CCDC171: variants seen among roughly 807,000 people sequenced by gnomAD.
The protein encoded by CCDC171 is coiled-coil domain-containing protein 171.
A neutral mutation model predicts 168.2 loss-of-function variants in CCDC171; 177 were observed. The observed-to-expected ratio is 1.05, with a 90% confidence interval of 0.93 to 1.19. The LOEUF (loss-of-function observed/expected upper bound fraction) is 1.19. Ranked by LOEUF, CCDC171 falls within the 50% of genes most tolerant of loss-of-function variation. The pLI is 0.00. For missense variants in CCDC171, 1,991 were observed against 1,539.0 expected (o/e 1.29, Z -4.91); for synonymous variants, 687 against 540.8 (o/e 1.27, Z -3.75).
At chr9:15,693,725 A>G (rs1333319553) in intron 10 of CCDC171, among the ~76,000 whole-genome samples, 1 of 152,086 alleles carries the variant, frequency 6.6e-6, no homozygotes, top group East Asian at 1.9e-4. Context: ...TATAATATCT[A>G]TTCTTCCATT....
At chr9:15,562,440 A>T (rs141817269) in intron 1 of CCDC171, among the ~76,000 whole-genome samples, 1 of 152,296 alleles carries the variant, frequency 6.6e-6, no homozygotes, top group East Asian at 1.9e-4. Flanking sequence ...AGTAGATGAA[A>T]CTTGCTTCTG....
chr9:15,993,048 C>T (rs965808937), intron 3 of CCDC171, among the ~76,000 whole-genome samples: 1 of 152,140 alleles, frequency 6.6e-6, no homozygotes, highest in Non-Finnish European at 1.5e-5. Context: ...CAGTGCTATC[C>T]CCATCAAGCT....
Position 15,981,529 on chromosome 9 carries a change from A to G in CCDC171, n.369-39060A>G, listed in dbSNP as rs967659111. Among the ~76,000 whole-genome samples the G allele has an allele frequency of 1.3e-5, 2 of 152,218 alleles. 1 individual carries two copies. The highest frequency in any genetic ancestry group is 1.3e-4 in the Admixed American group (2 of 15,280). On this transcript the variant is annotated intron_variant and non_coding_transcript_variant, in intron 3 of 9. Coordinates refer to the CCDC171 transcript ENST00000486641. ...GTGAAAGTGTCTAATTAATATAAGCAGTGCTGATTTATGTATGATGAGGAT... is the reference window on the plus strand; with the variant it reads ...GTGAAAGTGTCTAATTAATATAAGCGGTGCTGATTTATGTATGATGAGGAT...
chr9:15,629,633 T>G (rs554998271), intron 7 of CCDC171, among the ~76,000 whole-genome samples: 2 of 152,248 alleles, frequency 1.3e-5, no homozygotes, highest in African/African-American at 4.8e-5. Flanking sequence ...ACTTCCCCAA[T>G]CTAGCAAGGC....
At chr9:15,587,009 T>A (rs1188022710) in intron 4 of CCDC171, among the ~76,000 whole-genome samples, 1 of 152,102 alleles carries the variant, frequency 6.6e-6, no homozygotes, top group East Asian at 1.9e-4. Flanking sequence ...GACTAGGTCT[T>A]GCCATGTTGA....
At chr9:15,841,676 T>C (rs941589045) in intron 21 of CCDC171, among the ~76,000 whole-genome samples, 3 of 152,008 alleles carry the variant, frequency 2.0e-5, no homozygotes, top group African/African-American at 7.2e-5. Context: ...TATTCAGATA[T>C]AAACTGTACT....
chr9:15,837,534 C>G (rs2060503711), intron 21 of CCDC171, among the ~76,000 whole-genome samples: 1 of 152,160 alleles, frequency 6.6e-6, no homozygotes, highest in African/African-American at 2.4e-5. Flanking sequence ...TATTTTTCAA[C>G]TATTACTGCC....
At chr9:15,979,612 A>C (rs1405610952) in intron 3 of CCDC171, among the ~76,000 whole-genome samples, 1 of 151,820 alleles carries the variant, frequency 6.6e-6, no homozygotes, top group Non-Finnish European at 1.5e-5. Flanking sequence ...CACACGTTAA[A>C]CCAATCTTGC....
intron 6 of CCDC171, among the ~76,000 whole-genome samples, chr9:15,620,685 C>T (rs1334156762): frequency 2.0e-5 from 3 of 152,200 alleles, no homozygotes; most frequent in Non-Finnish European, 4.4e-5. Flanking sequence ...CATAGGGTTT[C>T]AGTTTTGAAA....
At chr9:15,678,442 G>A (rs565596841) in intron 9 of CCDC171, among the ~76,000 whole-genome samples, 46 of 152,226 alleles carry the variant, frequency 3.0e-4, no homozygotes, top group Admixed American at 9.2e-4. Flanking sequence ...GATAGTCTCT[G>A]AGCTAATTGA....
chr9:15,846,700 A>G lies in CCDC171; in HGVS notation c.3268-2A>G, dbSNP rs2060909658. On this transcript the variant is annotated splice_acceptor_variant, in intron 21 of 25. Transcript: ENST00000380701. LOFTEE classifies it high-confidence loss of function. ...GTAACTCTGTTTTCTGTCTGCTTGC[A>G]GAGTCTCTCCGAGGCAAAGATGGAG... The G allele has an allele frequency of 6.2e-7, 1 of 1,612,490 alleles. No homozygotes were observed. Among genetic ancestry groups the G allele is most frequent in the Non-Finnish European group, 8.5e-7 (1 of 1,179,164 alleles).
intron 6 of CCDC171, among the ~76,000 whole-genome samples, chr9:15,608,912 C>T (rs370788986): frequency 8.5e-6 from 1 of 117,374 alleles, no homozygotes; most frequent in Non-Finnish European, 1.6e-5. Flanking sequence ...GTCCTATGAT[C>T]ACAGCCCGGG....
intron 21 of CCDC171, among the ~76,000 whole-genome samples, chr9:15,842,931 A>G (rs1415375517): frequency 6.6e-6 from 1 of 151,922 alleles, no homozygotes; most frequent in African/African-American, 2.4e-5. Context: ...ATAAGAAAAA[A>G]TACATTGAAA....
At chr9:15,593,300 C>T (rs2042124382) in intron 5 of CCDC171, among the ~76,000 whole-genome samples, 1 of 152,080 alleles carries the variant, frequency 6.6e-6, no homozygotes, top group African/African-American at 2.4e-5. Flanking sequence ...TAATTTTAAA[C>T]CCTATAGTTA....
chr9:15,673,204 A>G (rs980125794), intron 9 of CCDC171, among the ~76,000 whole-genome samples: 7 of 152,246 alleles, frequency 4.6e-5, no homozygotes, highest in Non-Finnish European at 8.8e-5. Context: ...TTAATTTTGT[A>G]TCCTGAGACT....
chr9:15,842,110 A>G (rs946547520), intron 21 of CCDC171, among the ~76,000 whole-genome samples: 19 of 152,152 alleles, frequency 1.2e-4, no homozygotes, highest in African/African-American at 4.1e-4. Flanking sequence ...CCTAGTTCTT[A>G]TAACACTTGT....
intron 21 of CCDC171, among the ~76,000 whole-genome samples, chr9:15,791,089 T>A (rs951383411): frequency 1.3e-5 from 2 of 152,210 alleles, no homozygotes; most frequent in Non-Finnish European, 2.9e-5. Flanking sequence ...GGCTCTTTTT[T>A]GGTTCCATAT....
chr9:15,969,718 A>G (rs563016541), intron 25 of CCDC171, among the ~76,000 whole-genome samples: 5 of 152,240 alleles, frequency 3.3e-5, no homozygotes, highest in Admixed American at 2.6e-4. Context: ...AGGCCCCACC[A>G]TTTCCTGCTC....
Position 15,721,454 on chromosome 9 carries a change from A to C in CCDC171, c.1319-315A>C, listed in dbSNP as rs140271636. Among the ~76,000 whole-genome samples the C allele has an allele frequency of 9.6e-3, 1,455 of 151,846 alleles. 26 individuals are homozygous for C. The highest frequency in any genetic ancestry group is 0.034 in the African/African-American group (1,391 of 41,456). On this transcript the variant is annotated intron_variant, in intron 11 of 25. Transcript: ENST00000380701. ...ACTTAGGAGACATGAAAACAAAAACAAAAACAAAACTCACTACCATGTGGG... is the reference window on the plus strand; with the variant it reads ...ACTTAGGAGACATGAAAACAAAAACCAAAACAAAACTCACTACCATGTGGG...
Sources: allele counts gnomAD v4.1 joint callset (sites outside exome capture counted in the v4.1 genomes callset), GRCh38; gene constraint gnomAD v4.1.1; transcripts MANE v1.5; gene names NCBI Gene and HGNC (gene_info 2026-07-23, HGNC 2026-07-21).